Variants in ADRA1A observed in about 807,000 individuals in gnomAD.
ADRA1A encodes adrenoceptor alpha 1A.
In ADRA1A, 31 loss-of-function variants were observed where a neutral mutation model predicts 29.6. That is an observed-to-expected ratio of 1.05 (90% CI 0.79 to 1.41). The LOEUF (loss-of-function observed/expected upper bound fraction) is 1.41, where lower values mean the gene tolerates loss of function less well. Ranked by LOEUF, ADRA1A falls within the 40% of genes most tolerant of loss-of-function variation. The probability of loss-of-function intolerance (pLI) is 0.00; values close to 1 mark genes in which losing one functional copy is unlikely to be tolerated. For synonymous variants in ADRA1A, 311 were observed against 254.3 expected (o/e 1.22, Z -2.12); for missense variants, 619 against 601.1 (o/e 1.03, Z -0.31).
At chr8:26,783,470 G>A (rs4082584) in intron 2 of ADRA1A, among the ~76,000 whole-genome samples, 25,382 of 152,134 alleles carry the variant, frequency 0.17, 2,484 homozygotes, top group East Asian at 0.47. Context: ...ATAAATATAC[G>A]TCTCCTATAA....
chr8:26,809,821 C>T (rs1326151035), intron 2 of ADRA1A, among the ~76,000 whole-genome samples: 3 of 152,134 alleles, frequency 2.0e-5, no homozygotes, highest in Non-Finnish European at 4.4e-5. Flanking sequence ...TCTACTCACA[C>T]GAAGATAAAA....
chr8:26,777,222 C>G (rs1384183973), intron 2 of ADRA1A, among the ~76,000 whole-genome samples: 2 of 152,118 alleles, frequency 1.3e-5, no homozygotes, highest in African/African-American at 4.8e-5. Context: ...AGATGGTGAC[C>G]AGGGCTCTCT....
At position 26,787,578 on chromosome 8, in the gene ADRA1A, G is replaced by A. The variant is rs1014532670; in HGVS notation, c.884-16912C>T. 6.6e-5 allele frequency among the ~76,000 whole-genome samples: 10 copies of A among 151,928 alleles called. No individual in the cohort carries two copies. Among genetic ancestry groups the A allele is most frequent in the Non-Finnish European group, 8.8e-5 (6 of 67,998 alleles). On this transcript the variant is annotated intron_variant, in intron 2 of 2. Coordinates refer to ENST00000380573, the MANE Select transcript of ADRA1A (RefSeq NM_000680.4). This position sits in a 1 kb window ranked among gnomAD's most constrained non-coding sequence, Gnocchi z 4.2. The stretch of plus-strand genomic sequence containing the variant: ...CTGTCATCTGTAGTTCTTGGATATG[G>A]AGAGAAGGGAAAAGTGAAGGAGAGA...
intron 2 of ADRA1A, among the ~76,000 whole-genome samples, chr8:26,811,698 A>T (rs371704073): frequency 4.6e-5 from 7 of 152,212 alleles, no homozygotes; most frequent in African/African-American, 9.7e-5. Flanking sequence ...AAATCTTCAG[A>T]TATAGAACAT....
At chr8:26,783,011 C>T (rs566513862) in intron 2 of ADRA1A, among the ~76,000 whole-genome samples, 16 of 152,254 alleles carry the variant, frequency 1.1e-4, no homozygotes, top group African/African-American at 3.9e-4. Flanking sequence ...ATTGTCCATT[C>T]CAGTTCTGGC....
rs201746874 is a variant in ADRA1A at position 26,770,164 on chromosome 8, G to T, written c.1386C>A (p.Asn462Lys). The T allele has an allele frequency of 1.9e-6, 3 of 1,554,038 alleles. No homozygotes were observed. The highest frequency in any genetic ancestry group is 2.5e-5 in the South Asian group (2 of 80,160). The change falls in exon 3 of 3, where the codon AAC (asparagine) becomes AAA (lysine). Residue 462 changes from asparagine to lysine, a missense_variant. Transcript: ENST00000380573. ...CTTTCCTGTCCTAGACTTCCTCCCC[G>T]TTCTCACTGAGGGAGATGGTGTGGA... ...IKVHTISLSE[N>K]GEEV is the part of the protein sequence containing the mutation.
At chr8:26,856,958 G>A (rs138418173) in intron 2 of ADRA1A, among the ~76,000 whole-genome samples, 2,179 of 152,226 alleles carry the variant, frequency 0.014, 21 homozygotes, top group Non-Finnish European at 0.023. Flanking sequence ...TTGTGAGGTC[G>A]GTGATCTGCA....
chr8:26,748,441 A>T (rs1012855418), exon 3 of ADRA1A: 12 of 119,416 alleles, frequency 1.0e-4, no homozygotes, highest in East Asian at 8.9e-4. Context: ...TAAAAAAGAT[A>T]AAAAAAAAAA....
chr8:26,822,300 T>C (rs942750101), intron 2 of ADRA1A, among the ~76,000 whole-genome samples: 9 of 152,212 alleles, frequency 5.9e-5, no homozygotes, highest in Non-Finnish European at 1.3e-4. Context: ...TCTTTGTCTA[T>C]AAAGCTATGC....
At chr8:26,857,918 C>T (rs1813167333) in intron 2 of ADRA1A, among the ~76,000 whole-genome samples, 1 of 152,148 alleles carries the variant, frequency 6.6e-6, no homozygotes, top group Admixed American at 6.5e-5. Context: ...AGATGTTCTG[C>T]TCCATTAGGG....
rs925580392 is a variant in ADRA1A at position 26,817,189 on chromosome 8, G to A, written c.884-46523C>T. On this transcript the variant is annotated intron_variant, in intron 2 of 2. Transcript: ENST00000380573. ...ACAAAACCATCAAACGAAGTAATAA[G>A]AAAACAGACAATTCAATAAAAATAG... Among the ~76,000 whole-genome samples, 3 of 152,056 alleles carry A rather than the reference G, an allele frequency of 2.0e-5. No homozygotes were observed. The East Asian group carries it at 5.8e-4, about 29-fold the overall frequency.
At chr8:26,795,461 C>A (rs1808129355) in intron 2 of ADRA1A, among the ~76,000 whole-genome samples, 1 of 151,580 alleles carries the variant, frequency 6.6e-6, no homozygotes, top group East Asian at 1.9e-4. Context: ...GGCGTTTATC[C>A]CACCTTTCTT....
chr8:26,765,298 G>C (rs1037280122), downstream of ADRA1A, among the ~76,000 whole-genome samples: 3 of 152,226 alleles, frequency 2.0e-5, no homozygotes, highest in Non-Finnish European at 4.4e-5. Context: ...TGGGGAGCGT[G>C]AATGAGCTAA....
chr8:26,836,940 A>G (rs1433083637), intron 2 of ADRA1A, among the ~76,000 whole-genome samples: 1 of 152,102 alleles, frequency 6.6e-6, no homozygotes, highest in Non-Finnish European at 1.5e-5. Context: ...AGGGCAAACG[A>G]CCAGCCCAGG....
In ADRA1A at chr8:26,831,523, GTAGAGGT is replaced by G. The variant is rs1392087408; in HGVS notation, c.883+32557_883+32563del. ...TGATCATGGCCAGTTTGGAAAGGGT[GTAGAGGT>G]CACGGAAGTGTCAGGTCACACCCAA... On this transcript the variant is annotated intron_variant, in intron 2 of 2. Transcript: ENST00000380573. This position sits in a 1 kb window ranked among gnomAD's most constrained non-coding sequence, Gnocchi z 5.2. Among the ~76,000 whole-genome samples the G allele has an allele frequency of 2.0e-5, 3 of 152,220 alleles. No individual in the cohort carries two copies. Among genetic ancestry groups the G allele is most frequent in the Non-Finnish European group, 1.5e-5 (1 of 68,040 alleles).
chr8:26,835,203 C>T (rs978181420), intron 2 of ADRA1A, among the ~76,000 whole-genome samples: 2 of 152,190 alleles, frequency 1.3e-5, no homozygotes, highest in Non-Finnish European at 1.5e-5. Flanking sequence ...GCTAGCAATT[C>T]TTTATGCCTT....
chr8:26,754,631 G>T (rs1307242409), downstream of ADRA1A, among the ~76,000 whole-genome samples: 1 of 152,048 alleles, frequency 6.6e-6, no homozygotes, highest in South Asian at 2.1e-4. Flanking sequence ...AAGCAGAAAC[G>T]CTGCAGCAAG....
chr8:26,755,869 C>A (rs992493136), downstream of ADRA1A, among the ~76,000 whole-genome samples: 1 of 152,150 alleles, frequency 6.6e-6, no homozygotes, highest in Non-Finnish European at 1.5e-5. Context: ...TCTCTTTGAA[C>A]GAAGGGGATT....
intron 2 of ADRA1A, chr8:26,859,005 AC>A (rs1813247603): frequency 1.7e-6 from 2 of 1,201,700 alleles, no homozygotes; most frequent in Admixed American, 6.9e-5. Context: ...TACAGGAAGG[AC>A]CTTTGCAGTC....
Sources: allele counts gnomAD v4.1 joint callset (sites outside exome capture counted in the v4.1 genomes callset), GRCh38; gene constraint gnomAD v4.1.1; non-coding constraint Gnocchi (gnomAD v3.1); transcripts MANE v1.5; gene names NCBI Gene and HGNC (gene_info 2026-07-23, HGNC 2026-07-21).